Variants in CACNG8 observed in about 807,000 individuals in gnomAD.
CACNG8 encodes the protein voltage-dependent calcium channel gamma-8 subunit.
Under a neutral mutation model 26.9 loss-of-function variants are expected in CACNG8, and 5 were observed. The observed-to-expected ratio is 0.19, with a 90% CI of 0.10 to 0.39. The LOEUF (loss-of-function observed/expected upper bound fraction) is 0.39. Ranked by LOEUF, CACNG8 falls within the 10% of genes least tolerant of loss-of-function variation. CACNG8 has a pLI of 1.00. For missense variants in CACNG8, 473 were observed against 609.4 expected, an observed-to-expected ratio of 0.78 and a Z score of 2.36; for synonymous variants, 321 against 296.7, an observed-to-expected ratio of 1.08 and a Z score of -0.84.
In CACNG8 at chr19:53,979,979, G is replaced by A. The variant is rs2069354555; in HGVS notation, c.480G>A (p.Leu160=). Reference sequence around the variant, plus strand: ...ACAAGTCCAAGAGGAACATCATTCTGGGCGCAGGGATCCTGTTCGTGGCAG... The same window carrying A: ...ACAAGTCCAAGAGGAACATCATTCTAGGCGCAGGGATCCTGTTCGTGGCAG... Residue 160 remains leucine, a synonymous_variant, in exon 3 of 4, where the codon CTG becomes CTA. Transcript: ENST00000270458. The A allele has an allele frequency of 6.2e-7, 1 of 1,611,888 alleles. No homozygotes were observed. Among genetic ancestry groups the A allele is most frequent in the Non-Finnish European group, 8.5e-7 (1 of 1,179,130 alleles).
At chr19:53,968,354 G>A (rs557984814) in intron 1 of CACNG8, among the ~76,000 whole-genome samples, 2 of 150,792 alleles carry the variant, frequency 1.3e-5, no homozygotes, top group South Asian at 2.1e-4. Context: ...CAGTCTGGGC[G>A]ACAGGGCAAG....
At chr19:53,970,823 T>C (rs1017143830) in intron 1 of CACNG8, among the ~76,000 whole-genome samples, 5 of 150,110 alleles carry the variant, frequency 3.3e-5, no homozygotes, top group African/African-American at 1.2e-4. Flanking sequence ...TCCCCACTAC[T>C]AGGGAGGCTG....
chr19:53,970,606 C>T (rs1391417294), intron 1 of CACNG8, among the ~76,000 whole-genome samples: 1 of 150,354 alleles, frequency 6.7e-6, no homozygotes, highest in African/African-American at 2.5e-5. Context: ...GCCTGGGCAA[C>T]AGAGTGAGAT....
rs1439399871 is a variant in CACNG8, at chr19:53,989,639, AC to A, written c.*6791del. 6.6e-6 allele frequency: 1 copy of A among 152,276 alleles called. No individual in the cohort carries two copies. The highest frequency in any genetic ancestry group is 1.5e-5 in the Non-Finnish European group (1 of 68,076). The allele number at this position is 152,276 out of a possible 1,614,324, so 9.4% of individuals were successfully genotyped here. A position where few individuals can be genotyped will look rare whatever the true frequency, so the allele number is the denominator to read the frequency against. ...AGAATACAGAGGGGGCTGTGTTCTG[AC>A]GGGGCCACGCGGGCATTGAGGAAAC... On this transcript the variant is annotated 3_prime_UTR_variant, in exon 4 of 4. Coordinates refer to ENST00000270458, the MANE Select transcript of CACNG8 (RefSeq NM_031895.6).
rs750723024 is a variant in CACNG8 at position 53,963,315 on chromosome 19, C to T, written c.173C>T (p.Thr58Met). ...CTCATCTGCAACACCACCAACCTCA[C>T]GGCCGGCGGCGACGACGGGACCCCC... Residue 58 changes from threonine to methionine, a missense_variant, in exon 1 of 4, where the codon ACG (threonine) becomes ATG (methionine). By Grantham distance (81) the Thr-to-Met change is moderately conservative. Coordinates refer to ENST00000270458, the MANE Select transcript of CACNG8 (RefSeq NM_031895.6). 1 of 1,604,526 alleles carries T rather than the reference C, an allele frequency of 6.2e-7. No individual in the cohort carries two copies. The highest frequency in any genetic ancestry group is 1.1e-5 in the South Asian group (1 of 90,820).
At chr19:53,967,485 G>A (rs1487250845) in intron 1 of CACNG8, among the ~76,000 whole-genome samples, 1 of 152,176 alleles carries the variant, frequency 6.6e-6, no homozygotes, top group Admixed American at 6.5e-5. Context: ...AAACGACCAA[G>A]ACAGTCTGTA....
At chr19:53,980,525 G>A (rs545087690) in intron 3 of CACNG8, among the ~76,000 whole-genome samples, 64 of 152,258 alleles carry the variant, frequency 4.2e-4, no homozygotes, top group Admixed American at 2.4e-3. Context: ...TCCAGGGCCG[G>A]GAAGTGGAAA....
In CACNG8 at chr19:53,971,786, A is replaced by G. The variant is rs2069303787; in HGVS notation, c.284-6360A>G. 2.0e-5 allele frequency among the ~76,000 whole-genome samples: 3 copies of G among 152,318 alleles called. No homozygotes were observed. The East Asian group carries it at 5.8e-4, about 29-fold the overall frequency. On this transcript the variant is annotated intron_variant, in intron 1 of 3. Coordinates refer to ENST00000270458, the MANE Select transcript of CACNG8 (RefSeq NM_031895.6). ...AGTGGCTCAGCCTGGACTACCCAGC[A>G]TGTGAGGGGCAGAGTGGGTTGGATC...
At position 53,967,696 on chromosome 19, in the gene CACNG8, G is replaced by A. The variant is rs141023370; in HGVS notation, c.283+4271G>A. On this transcript the variant is annotated intron_variant, in intron 1 of 3. Transcript: ENST00000270458. ...CTAAAAATACGAAAATTAGCCAGGCGTGGTGGCACGCGCCTGTAGTCCCAG... is the reference window on the plus strand; with the variant it reads ...CTAAAAATACGAAAATTAGCCAGGCATGGTGGCACGCGCCTGTAGTCCCAG... Among the ~76,000 whole-genome samples the A allele has an allele frequency of 3.1e-3, 471 of 152,194 alleles. 3 individuals carry two copies. The highest frequency in any genetic ancestry group is 0.011 in the African/African-American group (447 of 41,524).
intron 1 of CACNG8, among the ~76,000 whole-genome samples, chr19:53,968,268 A>G (rs921498706): frequency 2.0e-5 from 3 of 151,854 alleles, no homozygotes; most frequent in African/African-American, 7.3e-5. Flanking sequence ...CCAGCTACTC[A>G]GGAGGCTTAG....
chr19:53,978,355 C>T (rs1600033788), intron 2 of CACNG8, 126 bp downstream of exon 2: 10 of 677,016 alleles, frequency 1.5e-5, no homozygotes, highest in Admixed American at 9.6e-5. Context: ...AGGTTAGCCT[C>T]CCAGCCAATC....
At chr19:53,970,871 G>A (rs1226519649) in intron 1 of CACNG8, among the ~76,000 whole-genome samples, 4 of 149,936 alleles carry the variant, frequency 2.7e-5, no homozygotes, top group African/African-American at 9.9e-5. Context: ...GGTCGAGGCT[G>A]CAGTGAGCTG....
chr19:53,965,928 A>G (rs976302278), intron 1 of CACNG8, among the ~76,000 whole-genome samples: 1 of 152,132 alleles, frequency 6.6e-6, no homozygotes, highest in Admixed American at 6.6e-5. Context: ...TAGCAGGCGC[A>G]GAGGCCCTGA....
Position 53,982,551 on chromosome 19 carries a change from G to A in CACNG8, c.980G>A (p.Gly327Asp). The change falls in exon 4 of 4, where the codon GGC (glycine) becomes GAC (aspartate). Residue 327 changes from glycine (G) to aspartate (D), a missense_variant. Gly to Asp is a moderately conservative substitution (Grantham distance 94). Around this residue, in one of 6 missense-constraint regions of CACNG8, gnomAD observed 212 missense variants for 214.4 expected, o/e 0.99. Transcript: ENST00000270458. The surrounding 1 kb of genome is among the most constrained non-coding windows in gnomAD (Gnocchi z 8.4). ...GCCGCGGGGCTGGCGGGGGCCGGCG[G>A]CGGCGGCGGCGGCGCCGTGGGGGCG... is the stretch of plus-strand genomic sequence containing the variant. 1 of 1,178,760 alleles carries A rather than the reference G, an allele frequency of 8.5e-7. No homozygotes were observed. The highest frequency in any genetic ancestry group is 1.0e-6 in the Non-Finnish European group (1 of 954,952). The allele number at this position is 1,178,760 out of a possible 1,614,324, so 73.0% of individuals were successfully genotyped here.
chr19:53,980,485 A>G (rs1220934249), intron 3 of CACNG8, among the ~76,000 whole-genome samples: 1 of 151,772 alleles, frequency 6.6e-6, no homozygotes, highest in African/African-American at 2.4e-5. Flanking sequence ...ACTTTGGTGG[A>G]TCCAAGAGGG....
rs1600039533 is a variant in CACNG8, at chr19:53,983,024, A to T, written c.*175A>T. The T allele has an allele frequency of 6.4e-5, 9 of 140,656 alleles. No individual in the cohort carries two copies. The highest frequency in any genetic ancestry group is 1.0e-4 in the Non-Finnish European group (9 of 85,732). The allele number at this position is 140,656 out of a possible 1,614,324, so 8.7% of individuals were successfully genotyped here. A position where few individuals can be genotyped will look rare whatever the true frequency, so the allele number is the denominator to read the frequency against. ...CTCCCCCTCCGAAGCAGGGACCCCG[A>T]GGGAGGGGGCAGGGGAGGGAGGGGG... is the stretch of plus-strand genomic sequence containing the variant. On this transcript the variant is annotated 3_prime_UTR_variant, in exon 4 of 4. Coordinates refer to ENST00000270458, the MANE Select transcript of CACNG8 (RefSeq NM_031895.6).
In CACNG8 at chr19:53,963,334, G is replaced by A. The variant is rs770449989; in HGVS notation, c.192G>A (p.Gly64=). 7 of 1,600,570 alleles carry A rather than the reference G, an allele frequency of 4.4e-6. No homozygotes were observed. In the South Asian group the frequency reaches 6.6e-5, roughly 15 times the overall value. The change falls in exon 1 of 4, where the codon GGG becomes GGA. Residue 64 remains glycine, a synonymous_variant. Transcript: ENST00000270458. ...ACCTCACGGCCGGCGGCGACGACGG[G>A]ACCCCCCACCGCGGGGGCGGCGGCG...
In CACNG8 at chr19:53,979,952, C is replaced by G. The variant is rs770030800; in HGVS notation, c.453C>G (p.Val151=). The change falls in exon 3 of 4, where the codon GTC becomes GTG. Residue 151 remains valine, a synonymous_variant. Transcript: ENST00000270458. ...GTGTGTGCGTGGCGGCCTCCCGCGT[C>G]TACAAGTCCAAGAGGAACATCATTC... 5 of 1,613,026 alleles carry G rather than the reference C, an allele frequency of 3.1e-6. No individual in the cohort carries two copies. In the South Asian group the frequency reaches 5.5e-5, roughly 18 times the overall value.
At chr19:53,975,381 C>CT (rs913896055) in intron 1 of CACNG8, among the ~76,000 whole-genome samples, 20 of 147,990 alleles carry the variant, frequency 1.4e-4, no homozygotes, top group East Asian at 2.0e-4. Flanking sequence ...TTCAATCATT[C>CT]TTTTTTTTTC....
Sources: allele counts gnomAD v4.1 joint callset (sites outside exome capture counted in the v4.1 genomes callset), GRCh38; gene constraint gnomAD v4.1.1; regional missense constraint gnomAD v4.1.1; non-coding constraint Gnocchi (gnomAD v3.1); transcripts MANE v1.5; gene names NCBI Gene and HGNC (gene_info 2026-07-23, HGNC 2026-07-21).